NRXN1: variants seen among roughly 807,000 people sequenced by gnomAD.
The protein encoded by NRXN1 is neurexin 1.
In NRXN1, 39 loss-of-function variants were observed where a neutral mutation model predicts 150.9. The observed-to-expected ratio is 0.26, with a 90% confidence interval of 0.20 to 0.34. The LOEUF (loss-of-function observed/expected upper bound fraction) is 0.34. Among genes scored for constraint, NRXN1 ranks in the 10% least tolerant of loss-of-function variants. The pLI, the probability that NRXN1 is intolerant of heterozygous loss-of-function variation, is 1.00. For missense variants in NRXN1, 1,815 were observed against 1,949.9 expected, an observed-to-expected ratio of 0.93 and a Z score of 1.30; for synonymous variants, 924 against 757.0, an observed-to-expected ratio of 1.22 and a Z score of -3.62.
intron 21 of NRXN1, among the ~76,000 whole-genome samples, chr2:50,010,765 T>C (rs908968964): frequency 2.0e-5 from 3 of 152,144 alleles, no homozygotes; most frequent in Non-Finnish European, 4.4e-5. Context: ...GCACAAACAA[T>C]ATATATTTCC....
intron 17 of NRXN1, among the ~76,000 whole-genome samples, chr2:50,287,647 T>G (rs903009760): frequency 6.6e-6 from 1 of 152,264 alleles, no homozygotes; most frequent in Non-Finnish European, 1.5e-5. Context: ...AGGGTACAAA[T>G]GTATTATAAT....
At chr2:50,127,794 A>C (rs923383210) in intron 18 of NRXN1, among the ~76,000 whole-genome samples, 5 of 152,158 alleles carry the variant, frequency 3.3e-5, no homozygotes, top group Non-Finnish European at 5.9e-5. Flanking sequence ...GTGATAAAAT[A>C]CTCCTTCACA....
chr2:50,405,368 C>A (rs1370634153), intron 17 of NRXN1, among the ~76,000 whole-genome samples: 1 of 152,068 alleles, frequency 6.6e-6, no homozygotes, highest in Admixed American at 6.6e-5. Context: ...ACAATGGTGT[C>A]TCTTCAAATG....
intron 21 of NRXN1, among the ~76,000 whole-genome samples, chr2:50,018,964 A>G (rs1314555426): frequency 6.6e-6 from 1 of 152,224 alleles, no homozygotes. Context: ...TGGCAGGGTT[A>G]AGAATACAAA....
Position 50,677,259 on chromosome 2 carries a change from T to C in NRXN1, c.833-53644A>G, listed in dbSNP as rs557761114. On this transcript the variant is annotated intron_variant, in intron 5 of 22. Transcript: ENST00000401669. ...TTCTAGCTCTGTGAAGAGTCTCTGG[T>C]CAGATTTTAATGAGTTTTCAATGGC... Among the ~76,000 whole-genome samples, 64 of 152,306 alleles carry C rather than the reference T, an allele frequency of 4.2e-4. No individual in the cohort carries two copies. In the Middle Eastern group the frequency reaches 0.01, roughly 24 times the overall value.
At position 51,027,537 on chromosome 2, in the gene NRXN1, G is replaced by A; in HGVS notation, c.737C>T (p.Ser246Leu). The change falls in exon 2 of 23, where the codon TCG becomes TTG. Residue 246 changes from serine (S) to leucine (L), a missense_variant. Ser to Leu is a moderately radical substitution (Grantham distance 145, BLOSUM62 -2). Coordinates refer to ENST00000401669, the MANE Select transcript of NRXN1 (RefSeq NM_001330078.2). ...VVDDQAVCDC[S>L]RTGFRGKDCS... ...GTCCTTGCCGCGGAAGCCGGTTCGC[G>A]AGCAGTCGCACACGGCCTGGTCGTC... 1 of 1,564,726 alleles carries A rather than the reference G, an allele frequency of 6.4e-7. No homozygotes were observed. The highest frequency in any genetic ancestry group is 8.7e-7 in the Non-Finnish European group (1 of 1,150,680).
At position 49,921,633 on chromosome 2, in the gene NRXN1, G is replaced by C; in HGVS notation, c.*311C>G. On this transcript the variant is annotated 3_prime_UTR_variant, in exon 23 of 23. Coordinates refer to ENST00000401669, the MANE Select transcript of NRXN1 (RefSeq NM_001330078.2). Reference sequence around the variant, plus strand: ...TGCCTTGATGCTGTAGTACTCCTTTGCTTTATGAATGCGTGCGGTCATCAC... The same window carrying C: ...TGCCTTGATGCTGTAGTACTCCTTTCCTTTATGAATGCGTGCGGTCATCAC... 3.1e-6 allele frequency: 1 copy of C among 320,130 alleles called. No individual in the cohort carries two copies. Among genetic ancestry groups the C allele is most frequent in the South Asian group, 3.7e-5 (1 of 27,152 alleles). The allele number at this position is 320,130 out of a possible 1,614,324, so 19.8% of individuals were successfully genotyped here. A position where few individuals can be genotyped will look rare whatever the true frequency, so the allele number is the denominator to read the frequency against.
At chr2:50,081,746 A>G (rs762614468) in intron 19 of NRXN1, among the ~76,000 whole-genome samples, 33 of 152,214 alleles carry the variant, frequency 2.2e-4, no homozygotes, top group Non-Finnish European at 4.0e-4. Flanking sequence ...AATACTAGCT[A>G]TTATGTATTA....
intron 5 of NRXN1, among the ~76,000 whole-genome samples, chr2:50,787,491 G>A (rs1373821419): frequency 6.7e-6 from 1 of 148,992 alleles, no homozygotes; most frequent in Non-Finnish European, 1.5e-5. Flanking sequence ...GAACCCAGGA[G>A]GTAGAGGTTG....
chr2:50,242,207 C>T (rs141509016), intron 17 of NRXN1, among the ~76,000 whole-genome samples: 1 of 151,652 alleles, frequency 6.6e-6, no homozygotes, highest in Non-Finnish European at 1.5e-5. Flanking sequence ...TAAGGGGAAC[C>T]TTTATTCTTT....
chr2:50,565,093 A>G (rs1322169740), intron 8 of NRXN1, among the ~76,000 whole-genome samples: 3 of 152,198 alleles, frequency 2.0e-5, no homozygotes, highest in Non-Finnish European at 4.4e-5. Context: ...ACACAACCCA[A>G]AGAAAACTGA....
chr2:51,031,713 T>C (rs913198829), intron 1 of NRXN1, among the ~76,000 whole-genome samples: 1 of 152,140 alleles, frequency 6.6e-6, no homozygotes, highest in Non-Finnish European at 1.5e-5. Flanking sequence ...TGCTTTGATA[T>C]CTAGCCTGTC....
chr2:50,982,700 A>T (rs1290465980), intron 2 of NRXN1, among the ~76,000 whole-genome samples: 1 of 152,112 alleles, frequency 6.6e-6, no homozygotes, highest in East Asian at 1.9e-4. Flanking sequence ...TGTTGACTAC[A>T]AAGATGTTGA....
intron 5 of NRXN1, among the ~76,000 whole-genome samples, chr2:50,800,185 T>C (rs1288048859): frequency 6.6e-6 from 1 of 152,128 alleles, no homozygotes; most frequent in Non-Finnish European, 1.5e-5. Flanking sequence ...AGTTCAAAGG[T>C]ATTTTGACTT....
At position 50,119,971 on chromosome 2, in the gene NRXN1, G is replaced by A. The variant is rs186117496; in HGVS notation, c.3547-28477C>T. Among the ~76,000 whole-genome samples, 10 of 152,306 alleles carry A rather than the reference G, an allele frequency of 6.6e-5. No individual in the cohort carries two copies. In the East Asian group the frequency reaches 1.9e-3, roughly 29 times the overall value. ...CCATGTTTTTGGTTCAGTGGAAGAA[G>A]GAGCCTGTGATAGTTTTAACACGTG... On this transcript the variant is annotated intron_variant, in intron 18 of 22. Coordinates refer to ENST00000401669, the MANE Select transcript of NRXN1 (RefSeq NM_001330078.2).
intron 6 of NRXN1, among the ~76,000 whole-genome samples, chr2:50,622,798 C>T (rs952136766): frequency 2.0e-5 from 3 of 152,158 alleles, no homozygotes; most frequent in African/African-American, 7.2e-5. Flanking sequence ...ACAGACCCTT[C>T]AGGAGATATG....
At chr2:50,588,084 T>C (rs115555262) in intron 8 of NRXN1, among the ~76,000 whole-genome samples, 217 of 152,344 alleles carry the variant, frequency 1.4e-3, no homozygotes, top group African/African-American at 5.1e-3. Context: ...TAGAGCAAGT[T>C]GATTGTTTCC....
At chr2:50,515,631 G>A (rs1325832413) in intron 12 of NRXN1, among the ~76,000 whole-genome samples, 1 of 151,780 alleles carries the variant, frequency 6.6e-6, no homozygotes, top group East Asian at 1.9e-4. Context: ...GTGTGTGTGT[G>A]TGTGTGTGTG....
chr2:50,936,860 G>T (rs1688632974), intron 2 of NRXN1, among the ~76,000 whole-genome samples: 1 of 152,046 alleles, frequency 6.6e-6, no homozygotes, highest in Non-Finnish European at 1.5e-5. Flanking sequence ...AACGTGGGTA[G>T]TGTGATAATT....
Sources: allele counts gnomAD v4.1 joint callset (sites outside exome capture counted in the v4.1 genomes callset), GRCh38; gene constraint gnomAD v4.1.1; transcripts MANE v1.5; gene names NCBI Gene and HGNC (gene_info 2026-07-23, HGNC 2026-07-21).